The following PTGER3 variants were observed in gnomAD, a reference collection of about 807,000 sequenced individuals.
PTGER3 encodes prostaglandin E2 receptor EP3 subtype.
In PTGER3, 22 loss-of-function variants were observed where a neutral mutation model predicts 34.7. The observed-to-expected ratio is 0.63, with a 90% CI of 0.45 to 0.91. PTGER3 has a LOEUF of 0.91. Among genes scored for constraint, PTGER3 ranks in the 40% least tolerant of loss-of-function variants. The probability of loss-of-function intolerance (pLI) is 0.00; values close to 1 mark genes in which losing one functional copy is unlikely to be tolerated. For missense variants in PTGER3, 468 were observed against 519.4 expected (o/e 0.90, Z 0.96); for synonymous variants, 241 against 230.1 (o/e 1.05, Z -0.43).
intron 4 of PTGER3, among the ~76,000 whole-genome samples, chr1:70,898,403 A>G (rs1240372141): frequency 1.3e-5 from 2 of 152,144 alleles, no homozygotes; most frequent in Non-Finnish European, 2.9e-5. Context: ...TAAAATGCTC[A>G]TATACTCCCT....
At chr1:71,013,727 A>G (rs1657651256) in intron 1 of PTGER3, among the ~76,000 whole-genome samples, 1 of 151,952 alleles carries the variant, frequency 6.6e-6, no homozygotes, top group South Asian at 2.1e-4. Context: ...AAGAAAACAA[A>G]TTGGAACTAT....
intron 2 of PTGER3, among the ~76,000 whole-genome samples, chr1:70,981,361 TTCTTTCTTTCTTTC>T (rs1654302542): frequency 8.9e-6 from 1 of 112,420 alleles, no homozygotes; most frequent in South Asian, 3.5e-4. Context: ...CTTTCTTTCT[TTCTTTCTTTCTTTC>T]TTTCTTTCTT....
At chr1:70,993,370 A>T (rs1353449551) in intron 2 of PTGER3, among the ~76,000 whole-genome samples, 3 of 152,310 alleles carry the variant, frequency 2.0e-5, no homozygotes, top group African/African-American at 7.2e-5. Flanking sequence ...TGTCTGTGCG[A>T]TAGAGCTTAT....
rs539108618 is a variant in PTGER3 at position 70,962,723 on chromosome 1, CACA to C, written c.1078-8937_1078-8935del. On this transcript the variant is annotated intron_variant, in intron 2 of 3. Coordinates refer to the PTGER3 transcript ENST00000356595. Reference sequence around the variant, plus strand: ...CAATTACCTCCCCTCAGGTCCCTCCCACAACATGTGGGAATTCTGGGAGCTACA... The same window carrying C: ...CAATTACCTCCCCTCAGGTCCCTCCCACATGTGGGAATTCTGGGAGCTACA... 2.6e-3 allele frequency among the ~76,000 whole-genome samples: 394 copies of C among 152,300 alleles called. 7 individuals are homozygous for C. Among genetic ancestry groups the C allele is most frequent in the African/African-American group, 9.1e-3 (379 of 41,556 alleles).
chr1:70,864,471 A>T (rs1200651375), intron 4 of PTGER3, among the ~76,000 whole-genome samples: 2 of 152,196 alleles, frequency 1.3e-5, no homozygotes, highest in Non-Finnish European at 2.9e-5. Context: ...CACGGAGGAC[A>T]TTGGAAAGGA....
intron 4 of PTGER3, among the ~76,000 whole-genome samples, chr1:70,861,150 C>T (rs189294748): frequency 2.0e-5 from 3 of 152,082 alleles, no homozygotes; most frequent in Admixed American, 6.5e-5. Context: ...AAAGGGATAA[C>T]GTATTATAAA....
chr1:70,971,009 CA>C lies in PTGER3; in HGVS notation c.*720del. 2 of 985,338 alleles carry C rather than the reference CA, an allele frequency of 2.0e-6. No homozygotes were observed. The highest frequency in any genetic ancestry group is 2.4e-6 in the Non-Finnish European group (2 of 829,916). 61.0% of individuals were successfully genotyped at this position (985,338 alleles called of 1,614,324 possible). A position where few individuals can be genotyped will look rare whatever the true frequency, so the allele number is the denominator to read the frequency against. ...AACTGCGCAGCTAATCATTCAACCT[CA>C]AATTTGTTTTTTATGACACTCCAAG... On this transcript the variant is annotated 3_prime_UTR_variant, in exon 4 of 4. Transcript: ENST00000306666.
chr1:70,921,095 C>T (rs879472453), intron 4 of PTGER3, among the ~76,000 whole-genome samples: 7 of 152,086 alleles, frequency 4.6e-5, no homozygotes, highest in Admixed American at 1.3e-4. Context: ...ATATGATTTT[C>T]GAAAAATGAG....
intron 4 of PTGER3, among the ~76,000 whole-genome samples, chr1:70,946,765 G>T (rs1026249228): frequency 6.6e-6 from 1 of 152,044 alleles, no homozygotes. Context: ...ATTTCCAATT[G>T]GACTGTGGCC....
intron 1 of PTGER3, among the ~76,000 whole-genome samples, chr1:71,016,326 T>C (rs1657892824): frequency 6.6e-6 from 1 of 152,154 alleles, no homozygotes; most frequent in African/African-American, 2.4e-5. Context: ...GGTGTAAAGC[T>C]TAATAAAACA....
intron 4 of PTGER3, chr1:70,886,348 G>C (rs1383500710): frequency 4.5e-6 from 2 of 446,052 alleles, no homozygotes; most frequent in Non-Finnish European, 9.0e-6. Context: ...ACAAATTTCT[G>C]TTGTTTAAGC....
chr1:71,009,433 C>A (rs1657249958), intron 2 of PTGER3: 1 of 981,672 alleles, frequency 1.0e-6, no homozygotes, highest in East Asian at 1.1e-4. Context: ...ACTAGGTTAA[C>A]TTGGTAAATA....
exon 5 of PTGER3, chr1:70,852,560 A>T: frequency 2.1e-6 from 1 of 470,250 alleles, no homozygotes; most frequent in Non-Finnish European, 3.7e-6. Flanking sequence ...TTCAATAAAA[A>T]AATGCAAATT....
downstream of PTGER3, among the ~76,000 whole-genome samples, chr1:70,970,281 G>C (rs1652942738): frequency 6.6e-6 from 1 of 152,140 alleles, no homozygotes; most frequent in Non-Finnish European, 1.5e-5. Context: ...ATGAGGAACA[G>C]ATAGAAGTAA....
intron 4 of PTGER3, among the ~76,000 whole-genome samples, chr1:70,861,139 C>T (rs909094215): frequency 4.6e-5 from 7 of 152,038 alleles, no homozygotes; most frequent in Admixed American, 3.3e-4. Context: ...GAAAGAACTG[C>T]AAAGGGATAA....
At chr1:70,927,809 C>T (rs1262139835) in intron 4 of PTGER3, among the ~76,000 whole-genome samples, 1 of 152,036 alleles carries the variant, frequency 6.6e-6, no homozygotes. Context: ...ATGATGTTAT[C>T]TGTCTCCAGA....
chr1:70,959,470 C>A (rs1465311922), intron 2 of PTGER3, among the ~76,000 whole-genome samples: 1 of 151,966 alleles, frequency 6.6e-6, no homozygotes, highest in African/African-American at 2.4e-5. Context: ...CTATGATTCT[C>A]CTGCCTCAGC....
intron 1 of PTGER3, among the ~76,000 whole-genome samples, chr1:71,031,376 A>C (rs541918013): frequency 7.9e-5 from 12 of 151,812 alleles, no homozygotes; most frequent in South Asian, 4.2e-4. Context: ...GTAAAAATGA[A>C]CCCCCACCTT....
chr1:70,955,687 G>A (rs1445238878), intron 2 of PTGER3, among the ~76,000 whole-genome samples: 1 of 151,962 alleles, frequency 6.6e-6, no homozygotes, highest in Non-Finnish European at 1.5e-5. Flanking sequence ...AGAAATACAG[G>A]AAATAAAAAA....
Sources: gnomAD v4.1 joint callset for allele counts (sites outside exome capture counted in the v4.1 genomes callset) on GRCh38, gnomAD v4.1.1 for gene constraint, MANE v1.5 for transcripts, NCBI Gene and HGNC (gene_info 2026-07-23, HGNC 2026-07-21) for gene names.